Variants in VPS13B observed in about 807,000 individuals in gnomAD.
VPS13B encodes the protein intermembrane lipid transfer protein VPS13B.
In VPS13B, 285 loss-of-function variants were observed where a neutral mutation model predicts 426.4. That is an observed-to-expected ratio of 0.67 (90% confidence interval 0.61 to 0.74). The LOEUF is 0.74. VPS13B is among the 30% of genes least tolerant of loss of function. The pLI, the probability that VPS13B is intolerant of heterozygous loss-of-function variation, is 0.00. For missense variants in VPS13B, 4,537 were observed against 4,782.6 expected, an observed-to-expected ratio of 0.95 and a Z score of 1.51; for synonymous variants, 1,676 against 1,676.4, an observed-to-expected ratio of 1.00 and a Z score of 0.01.
chr8:99,044,569 T>C (rs974462779), intron 3 of VPS13B, among the ~76,000 whole-genome samples: 1 of 152,010 alleles, frequency 6.6e-6, no homozygotes. Context: ...TCTCTAGTGG[T>C]AATTCGTTAG....
At chr8:99,521,254 G>A (rs1253951085) in intron 30 of VPS13B, among the ~76,000 whole-genome samples, 2 of 152,150 alleles carry the variant, frequency 1.3e-5, no homozygotes, top group Admixed American at 6.6e-5. Context: ...AACTGAAGAA[G>A]CATAGTTTGG....
At chr8:99,559,129 T>A (rs372883118) in intron 31 of VPS13B, among the ~76,000 whole-genome samples, 1 of 152,174 alleles carries the variant, frequency 6.6e-6, no homozygotes, top group African/African-American at 2.4e-5. Flanking sequence ...GTATCTTATT[T>A]TGGTTTTGAT....
intron 4 of VPS13B, among the ~76,000 whole-genome samples, chr8:99,101,368 G>C (rs904388798): frequency 5.3e-5 from 8 of 152,248 alleles, no homozygotes; most frequent in Admixed American, 3.9e-4. Context: ...TTTTGACCTT[G>C]TGATCTGCCT....
intron 14 of VPS13B, among the ~76,000 whole-genome samples, chr8:99,156,247 T>C (rs1302981435): frequency 6.6e-6 from 1 of 152,176 alleles, no homozygotes; most frequent in African/African-American, 2.4e-5. Context: ...ATAAAATATC[T>C]TCATCATACT....
At chr8:99,687,287 G>A (rs186788915) in intron 35 of VPS13B, among the ~76,000 whole-genome samples, 2 of 152,116 alleles carry the variant, frequency 1.3e-5, no homozygotes, top group Non-Finnish European at 2.9e-5. Context: ...GCTGCGAGCT[G>A]TGCTGCCTGG....
intron 33 of VPS13B, among the ~76,000 whole-genome samples, chr8:99,616,192 G>A (rs1828077804): frequency 6.6e-6 from 1 of 152,138 alleles, no homozygotes; most frequent in Non-Finnish European, 1.5e-5. Flanking sequence ...AGAGGGAGAA[G>A]AAGAGCCTAT....
chr8:99,245,801 C>T (rs560424412), intron 17 of VPS13B, among the ~76,000 whole-genome samples: 1 of 152,354 alleles, frequency 6.6e-6, no homozygotes, highest in East Asian at 1.9e-4. Context: ...GCCTCAGCCT[C>T]CCAAAGTTCT....
chr8:99,466,566 T>C (rs1463408179), intron 23 of VPS13B, among the ~76,000 whole-genome samples: 3 of 152,142 alleles, frequency 2.0e-5, no homozygotes, highest in Non-Finnish European at 4.4e-5. Context: ...CAAATGTTTA[T>C]ATTAATAAAT....
chr8:99,357,001 G>C (rs936449519), intron 19 of VPS13B, among the ~76,000 whole-genome samples: 3 of 151,848 alleles, frequency 2.0e-5, no homozygotes, highest in Non-Finnish European at 4.4e-5. Flanking sequence ...TAGAAACATA[G>C]ATATATTTAT....
In VPS13B at chr8:99,501,713, A is replaced by G. The variant is rs139828348; in HGVS notation, c.3897A>G (p.Glu1299=). ...TEGDSIQAGE[E]SPFSDSVTLE... ...GAGATTCTATACAAGCAGGTGAGGA[A>G]TCACCATTCTCAGATTCTGTGACCT... is the stretch of plus-strand genomic sequence containing the variant. Residue 1299 remains glutamate, a synonymous_variant, in exon 26 of 62, where the codon GAA becomes GAG. Coordinates refer to ENST00000357162, the MANE Select transcript of VPS13B (RefSeq NM_152564.5). 6.8e-6 allele frequency: 11 copies of G among 1,613,980 alleles called. No individual in the cohort carries two copies. The African/African-American group carries it at 8.0e-5, about 12-fold the overall frequency.
chr8:99,502,861 A>G lies in VPS13B; in HGVS notation c.4068A>G (p.Glu1356=). The change falls in exon 27 of 62, where the codon GAA becomes GAG. Residue 1356 remains glutamate, a synonymous_variant. Transcript: ENST00000357162. ...AGGTTTGTATGGTCAGTGAACTAGA[A>G]GATCTCAGTGCTTCCATAGATGTCC... ...GTEVCMVSEL[E]DLSASIDVQD... The G allele has an allele frequency of 6.2e-7, 1 of 1,613,510 alleles. No homozygotes were observed. Among genetic ancestry groups the G allele is most frequent in the South Asian group, 1.1e-5 (1 of 91,074 alleles).
chr8:99,808,025 CA>C (rs1296538632), intron 43 of VPS13B, among the ~76,000 whole-genome samples: 3 of 151,758 alleles, frequency 2.0e-5, no homozygotes, highest in African/African-American at 7.3e-5. Context: ...AATATTATGG[CA>C]ATTTCCATGT....
chr8:99,858,956 TG>T (rs1475296711), intron 56 of VPS13B, among the ~76,000 whole-genome samples: 5 of 152,110 alleles, frequency 3.3e-5, no homozygotes, highest in African/African-American at 7.2e-5. Flanking sequence ...ACCTCCCACC[TG>T]CAAACACCTG....
Position 99,208,536 on chromosome 8 carries a change from T to C in VPS13B, c.2515+15479T>C, listed in dbSNP as rs996201564. The stretch of plus-strand genomic sequence containing the variant: ...TGTATATCTCATATGATAAACATCT[T>C]CATATTATATGTAAGATTAAATACT... On this transcript the variant is annotated intron_variant, in intron 17 of 61. Coordinates refer to ENST00000357162, the MANE Select transcript of VPS13B (RefSeq NM_152564.5). Among the ~76,000 whole-genome samples the C allele has an allele frequency of 2.0e-4, 31 of 152,204 alleles. 1 individual carries two copies. Among genetic ancestry groups the C allele is most frequent in the Admixed American group, 2.0e-3 (30 of 15,268 alleles).
In VPS13B at chr8:99,448,224, G is replaced by A. The variant is rs980429459; in HGVS notation, c.3445+5589G>A. Among the ~76,000 whole-genome samples, 6 of 150,970 alleles carry A rather than the reference G, an allele frequency of 4.0e-5. No homozygotes were observed. The South Asian group carries it at 1.3e-3, about 32-fold the overall frequency. ...CTTAAAAAAAATCACATACCAGATG[G>A]AGAGGGCTTGAATCAAATTGAAATT... On this transcript the variant is annotated intron_variant, in intron 23 of 61. Transcript: ENST00000357162.
In VPS13B at chr8:99,871,415, G is replaced by A; in HGVS notation, c.11496-33G>A. On this transcript the variant is annotated intron_variant, in intron 60 of 61. Coordinates refer to ENST00000357162, the MANE Select transcript of VPS13B (RefSeq NM_152564.5). ...GATAAGTGACCATCTTTTCACAGCT[G>A]GCCCCTGGCCTCACTTTTCTCCTTT... 1.9e-6 allele frequency: 3 copies of A among 1,613,854 alleles called. 1 individual carries two copies. In the South Asian group the frequency reaches 3.3e-5, roughly 18 times the overall value.
At chr8:99,334,594 T>A (rs1320593245) in intron 19 of VPS13B, among the ~76,000 whole-genome samples, 1 of 152,204 alleles carries the variant, frequency 6.6e-6, no homozygotes, top group Non-Finnish European at 1.5e-5. Context: ...AGGCCTTTTC[T>A]GCATCTATTG....
chr8:99,724,766 C>A (rs757093441), intron 39 of VPS13B, among the ~76,000 whole-genome samples: 2 of 152,160 alleles, frequency 1.3e-5, no homozygotes, highest in Non-Finnish European at 2.9e-5. Flanking sequence ...ATTCCAGGCT[C>A]CAGTATCTCT....
chr8:99,724,697 C>G (rs954773534), intron 39 of VPS13B, among the ~76,000 whole-genome samples: 2 of 152,098 alleles, frequency 1.3e-5, no homozygotes, highest in Non-Finnish European at 2.9e-5. Context: ...TTGTTTCCTC[C>G]CCTCCGCTTT....
Sources: allele counts gnomAD v4.1 joint callset (sites outside exome capture counted in the v4.1 genomes callset), GRCh38; gene constraint gnomAD v4.1.1; transcripts MANE v1.5; gene names NCBI Gene and HGNC (gene_info 2026-07-23, HGNC 2026-07-21).